The following UST variants were observed in gnomAD, a reference collection of about 807,000 sequenced individuals.
The protein encoded by UST is uronyl 2-sulfotransferase, also known as chondroitin sulfate 2-O-sulfotransferase.
UST carries 21 observed loss-of-function variants against 45.6 expected under a neutral mutation model. The observed-to-expected ratio is 0.46, with a 90% CI of 0.33 to 0.66. UST has a LOEUF of 0.66. Among genes scored for constraint, UST ranks in the 30% least tolerant of loss-of-function variants. The pLI is 0.02. For synonymous variants in UST, 215 were observed against 200.6 expected (o/e 1.07, Z -0.61); for missense variants, 463 against 512.4 (o/e 0.90, Z 0.93).
Position 148,747,215 on chromosome 6 carries a change from C to T in UST, c.-216C>T, listed in dbSNP as rs1775880578. 5.1e-6 allele frequency: 2 copies of T among 393,410 alleles called. No homozygotes were observed. Among genetic ancestry groups the T allele is most frequent in the Non-Finnish European group, 8.3e-6 (2 of 239,966 alleles). The allele number at this position is 393,410 out of a possible 1,614,324, so 24.4% of individuals were successfully genotyped here. On this transcript the variant is annotated 5_prime_UTR_variant, in exon 1 of 8. Transcript: ENST00000367463. ...CCCCGTCACGGGCAGCGCCCCGAAC[C>T]GGGGCCGGACACCTCGGCCGCTCGG...
rs183658049 is a variant in UST, at chr6:148,912,128, C to T, written c.291+25099C>T. Among the ~76,000 whole-genome samples, 396 of 152,290 alleles carry T rather than the reference C, an allele frequency of 2.6e-3. 3 individuals carry two copies. Among genetic ancestry groups the T allele is most frequent in the African/African-American group, 9.0e-3 (375 of 41,548 alleles). On this transcript the variant is annotated intron_variant, in intron 2 of 7. Transcript: ENST00000367463. The stretch of plus-strand genomic sequence containing the variant: ...AGGAGAATCGTCTGAACCTTGGAGA[C>T]GGAGGTTGCAGTGAGCCGAGATCAT...
At chr6:149,004,093 A>G (rs915944897) in intron 5 of UST, among the ~76,000 whole-genome samples, 1 of 152,182 alleles carries the variant, frequency 6.6e-6, no homozygotes, top group Admixed American at 6.5e-5. Context: ...GCTATTGAAT[A>G]TAGTATTTAA....
chr6:148,749,950 G>A (rs1263619303), intron 1 of UST, among the ~76,000 whole-genome samples: 2 of 152,170 alleles, frequency 1.3e-5, no homozygotes, highest in Non-Finnish European at 2.9e-5. Flanking sequence ...GGAAAAGTGG[G>A]CTTGTGGTAT....
chr6:148,861,085 C>G (rs1301861473), intron 1 of UST, among the ~76,000 whole-genome samples: 1 of 152,144 alleles, frequency 6.6e-6, no homozygotes, highest in Non-Finnish European at 1.5e-5. Context: ...CAGCTCCTCT[C>G]TATACCTCTG....
chr6:148,795,892 GAC>G (rs1776940279), intron 1 of UST, among the ~76,000 whole-genome samples: 1 of 152,194 alleles, frequency 6.6e-6, no homozygotes, highest in African/African-American at 2.4e-5. Flanking sequence ...TATTTCCAGA[GAC>G]AATTTATTAT....
intron 1 of UST, among the ~76,000 whole-genome samples, chr6:148,801,561 T>C (rs1210651616): frequency 6.6e-6 from 1 of 152,136 alleles, no homozygotes; most frequent in Non-Finnish European, 1.5e-5. Flanking sequence ...GGTAGATGTG[T>C]GAAGGTCTCT....
chr6:148,997,251 C>T (rs867954631), intron 5 of UST, among the ~76,000 whole-genome samples: 67 of 152,252 alleles, frequency 4.4e-4, no homozygotes, highest in African/African-American at 1.5e-3. Flanking sequence ...GGCTTGATTT[C>T]GTAGCTTTTT....
At chr6:148,774,954 G>A (rs898580838) in intron 1 of UST, among the ~76,000 whole-genome samples, 1 of 152,096 alleles carries the variant, frequency 6.6e-6, no homozygotes, top group African/African-American at 2.4e-5. Flanking sequence ...GGATGCGGGG[G>A]TTGCAGTCAG....
chr6:148,780,822 A>G (rs1432667777), intron 1 of UST, among the ~76,000 whole-genome samples: 10 of 152,054 alleles, frequency 6.6e-5, no homozygotes, highest in Non-Finnish European at 7.4e-5. Context: ...CTTTTTCATT[A>G]TTATTATATC....
At chr6:149,049,923 T>TCACACACA (rs1165179256) in intron 7 of UST, among the ~76,000 whole-genome samples, 50 of 102,974 alleles carry the variant, frequency 4.9e-4, no homozygotes, top group African/African-American at 1.6e-3. Flanking sequence ...TCTCTCTCTC[T>TCACACACA]CTCTCTCTCA....
chr6:148,946,140 T>TA (rs1382819434), intron 3 of UST, among the ~76,000 whole-genome samples: 1 of 152,084 alleles, frequency 6.6e-6, no homozygotes. Context: ...CCAACTCACC[T>TA]AAAAAAATCA....
intron 1 of UST, among the ~76,000 whole-genome samples, chr6:148,833,890 G>A (rs1273914111): frequency 3.3e-5 from 5 of 152,208 alleles, no homozygotes; most frequent in African/African-American, 4.8e-5. Context: ...AAGGGCTGGC[G>A]TAAACCGTGA....
intron 1 of UST, among the ~76,000 whole-genome samples, chr6:148,871,477 A>G (rs1778559543): frequency 6.6e-6 from 1 of 151,998 alleles, no homozygotes; most frequent in African/African-American, 2.4e-5. Context: ...CTCCCTTTAT[A>G]CTTTCCCAGA....
intron 1 of UST, among the ~76,000 whole-genome samples, chr6:148,823,345 A>G (rs183885758): frequency 1.8e-4 from 28 of 152,366 alleles, no homozygotes; most frequent in Middle Eastern, 6.8e-3. Context: ...AGTTACCTAT[A>G]AATTAATCTG....
intron 3 of UST, 114 bp downstream of exon 3, chr6:148,941,548 G>A (rs936144248): frequency 3.2e-6 from 4 of 1,236,488 alleles, no homozygotes; most frequent in African/African-American, 1.5e-5. Flanking sequence ...CCAGAGTTTT[G>A]ATTTCATGCT....
intron 7 of UST, among the ~76,000 whole-genome samples, chr6:149,046,817 CA>C (rs1776404171): frequency 6.6e-6 from 1 of 152,222 alleles, no homozygotes; most frequent in East Asian, 1.9e-4. Flanking sequence ...GAGACCAACA[CA>C]ATTGTTCCAA....
At chr6:148,870,576 G>C (rs1778530464) in intron 1 of UST, among the ~76,000 whole-genome samples, 1 of 152,208 alleles carries the variant, frequency 6.6e-6, no homozygotes, top group African/African-American at 2.4e-5. Context: ...GCCCTGGCCA[G>C]GTGCGCCTGC....
chr6:148,963,016 A>G (rs1780697356), intron 4 of UST, among the ~76,000 whole-genome samples: 1 of 152,236 alleles, frequency 6.6e-6, no homozygotes. Context: ...TGTGCCACAC[A>G]CTGAGCTAGA....
At position 149,070,222 on chromosome 6, in the gene UST, A is replaced by G. The variant is rs192425365; in HGVS notation, c.938-3611A>G. 6.6e-5 allele frequency among the ~76,000 whole-genome samples: 10 copies of G among 152,336 alleles called. No homozygotes were observed. In the East Asian group the frequency reaches 1.7e-3, roughly 26 times the overall value. On this transcript the variant is annotated intron_variant, in intron 7 of 7. Transcript: ENST00000367463. ...AGAATTATTTTTCCTCTGCCTCTCA[A>G]TGTTTGACTTAAAACTCTTTATTTC...
Sources: allele counts gnomAD v4.1 joint callset (sites outside exome capture counted in the v4.1 genomes callset), GRCh38; gene constraint gnomAD v4.1.1; transcripts MANE v1.5; gene names NCBI Gene and HGNC (gene_info 2026-07-23, HGNC 2026-07-21).